The following RIPOR1 variants were observed in gnomAD, a reference collection of about 807,000 sequenced individuals.
RIPOR1 encodes the protein RHO family interacting cell polarization regulator 1, also known as rho family-interacting cell polarization regulator 1.
RIPOR1 carries 58 observed loss-of-function variants against 116.5 expected under a neutral mutation model. That is an observed-to-expected ratio of 0.50 (90% confidence interval 0.40 to 0.62). RIPOR1 has a LOEUF of 0.62. Among genes scored for constraint, RIPOR1 ranks in the 20% least tolerant of loss-of-function variants. RIPOR1 has a pLI of 0.00. For synonymous variants in RIPOR1, 605 were observed against 650.0 expected (o/e 0.93, Z 1.05); for missense variants, 1,372 against 1,586.2 (o/e 0.86, Z 2.29).
In RIPOR1 at chr16:67,541,383, C is replaced by T; in HGVS notation, c.802-47C>T. On this transcript the variant is annotated intron_variant, in intron 10 of 21. Coordinates refer to ENST00000042381, the MANE Select transcript of RIPOR1 (RefSeq NM_024519.4). This position sits in a 1 kb window ranked among gnomAD's most constrained non-coding sequence, Gnocchi z 4.6. Reference sequence around the variant, plus strand: ...TCAGACCTCAGATTTCCCATGATCTCATAGCCCCTGCACCCTTGTGACCCT... The same window carrying T: ...TCAGACCTCAGATTTCCCATGATCTTATAGCCCCTGCACCCTTGTGACCCT... The T allele has an allele frequency of 6.3e-7, 1 of 1,581,130 alleles. No homozygotes were observed. The highest frequency in any genetic ancestry group is 1.8e-5 in the Admixed American group (1 of 55,558).
upstream of RIPOR1, among the ~76,000 whole-genome samples, chr16:67,525,318 AG>A (rs2050530338): frequency 6.6e-6 from 1 of 152,184 alleles, no homozygotes; most frequent in African/African-American, 2.4e-5. Flanking sequence ...GGAAGGAACT[AG>A]GGAGATCTCA....
chr16:67,541,724 T>G lies in RIPOR1; in HGVS notation c.1022T>G (p.Phe341Cys). Residue 341 changes from phenylalanine to cysteine, a missense_variant, in exon 12 of 22, where the codon TTC (phenylalanine) becomes TGC (cysteine). By Grantham distance (205) the Phe-to-Cys change is radical (BLOSUM62 -2). This residue lies in a region of RIPOR1 where 1,005 missense variants were observed against 1,144.7 expected (regional missense o/e 0.88). Coordinates refer to ENST00000042381, the MANE Select transcript of RIPOR1 (RefSeq NM_024519.4). This position sits in a 1 kb window ranked among gnomAD's most constrained non-coding sequence, Gnocchi z 4.6. ...AAGGCCTCCACAGTCACCAAGCGCT[T>G]CTCCACCTATAGCCAGAGCCCACCG... is the stretch of plus-strand genomic sequence containing the variant. ...VNKASTVTKR[F>C]STYSQSPPDT... 6.2e-7 allele frequency: 1 copy of G among 1,613,826 alleles called. No homozygotes were observed. The highest frequency in any genetic ancestry group is 8.5e-7 in the Non-Finnish European group (1 of 1,179,924).
intron 1 of RIPOR1, 71 bp downstream of exon 1, chr16:67,528,985 C>A (rs989735777): frequency 2.9e-5 from 5 of 170,490 alleles, no homozygotes; most frequent in Admixed American, 6.5e-5. Flanking sequence ...TGGTGCCCCC[C>A]CGCCGGCGCC....
chr16:67,518,516 C>T (rs896099590), exon 1 of RIPOR1: 6 of 152,290 alleles, frequency 3.9e-5, no homozygotes, highest in Non-Finnish European at 7.3e-5. Context: ...GGACAGGAGC[C>T]CACCAAGTCC....
At chr16:67,524,686 C>G (rs969311136), upstream of RIPOR1, among the ~76,000 whole-genome samples, 1 of 152,212 alleles carries the variant, frequency 6.6e-6, no homozygotes. Flanking sequence ...AGGCCCAAAG[C>G]CCCTGCCTCA....
chr16:67,521,969 T>C (rs563061583), intron 1 of RIPOR1, among the ~76,000 whole-genome samples: 1 of 152,364 alleles, frequency 6.6e-6, no homozygotes, highest in East Asian at 1.9e-4. Flanking sequence ...AGGTCTCACC[T>C]GAGGAGATTC....
At position 67,530,352 on chromosome 16, in the gene RIPOR1, G is replaced by A. The variant is rs1312535284; in HGVS notation, c.-24+1438G>A. On this transcript the variant is annotated intron_variant, in intron 1 of 21. Transcript: ENST00000042381. The surrounding 1 kb of genome is among the most constrained non-coding windows in gnomAD (Gnocchi z 4.5). ...CACCCGACAGCCTCCGCCCGGTTCC[G>A]GGGTGGGGGGTCCGGGGCTGTGCCG... 1.3e-5 allele frequency among the ~76,000 whole-genome samples: 2 copies of A among 152,228 alleles called. No homozygotes were observed. The highest frequency in any genetic ancestry group is 4.8e-5 in the African/African-American group (2 of 41,460).
chr16:67,538,039 A>C, intron 1 of RIPOR1: 2 of 201,448 alleles, frequency 9.9e-6, no homozygotes, highest in Non-Finnish European at 2.0e-5. Flanking sequence ...GGGGGGGGAA[A>C]TCGGGGGCAG....
rs140035714 is a variant in RIPOR1, at chr16:67,545,082, G to A, written c.2996G>A (p.Arg999His). 1,063 of 1,613,006 alleles carry A rather than the reference G, an allele frequency of 6.6e-4. No individual in the cohort carries two copies. Among genetic ancestry groups the A allele is most frequent in the Non-Finnish European group, 8.3e-4 (976 of 1,180,020 alleles). The change falls in exon 17 of 22, where the codon CGC becomes CAC. Residue 999 changes from arginine to histidine, a missense_variant. Physicochemically the swap from Arg to His is conservative, Grantham distance 29 (BLOSUM62 0). This residue lies in a region of RIPOR1 where 1,005 missense variants were observed against 1,144.7 expected (regional missense o/e 0.88). Transcript: ENST00000042381. This position sits in a 1 kb window ranked among gnomAD's most constrained non-coding sequence, Gnocchi z 4.8. ...LLTFCNQYGA[R>H]LSLRQPGLAE... Reference sequence around the variant, plus strand: ...ACCTTCTGCAACCAGTATGGTGCCCGCCTCTCCCTGCGCCAGCCAGGCTTG... The same window carrying A: ...ACCTTCTGCAACCAGTATGGTGCCCACCTCTCCCTGCGCCAGCCAGGCTTG...
In RIPOR1 at chr16:67,543,225, C is replaced by T; in HGVS notation, c.2439C>T (p.Gly813=). The T allele has an allele frequency of 6.3e-7, 1 of 1,578,068 alleles. No individual in the cohort carries two copies. The highest frequency in any genetic ancestry group is 8.6e-7 in the Non-Finnish European group (1 of 1,160,150). ...GTGGCCAGTTTCCTGAGCTGCAGGGCCTGGAGCAGGAGGTGACCCGCCTAG... is the reference window on the plus strand; with the variant it reads ...GTGGCCAGTTTCCTGAGCTGCAGGGTCTGGAGCAGGAGGTGACCCGCCTAG... The part of the protein sequence containing the change: ...DYRGQFPELQ[G]LEQEVTRLES... The change falls in exon 13 of 22, where the codon GGC becomes GGT. Residue 813 remains glycine (G), a synonymous_variant. Coordinates refer to ENST00000042381, the MANE Select transcript of RIPOR1 (RefSeq NM_024519.4). The surrounding 1 kb of genome is among the most constrained non-coding windows in gnomAD (Gnocchi z 4.7).
Position 67,537,557 on chromosome 16 carries a change from C to T in RIPOR1, c.-23-867C>T. ...AGGTCCGCGGGGGGCGAGCGCGGGT[C>T]GGGGGCCGTCCCGGACCCACCATGA... is the stretch of plus-strand genomic sequence containing the variant. On this transcript the variant is annotated intron_variant, in intron 1 of 21. Coordinates refer to ENST00000042381, the MANE Select transcript of RIPOR1 (RefSeq NM_024519.4). This position sits in a 1 kb window ranked among gnomAD's most constrained non-coding sequence, Gnocchi z 4.6. The T allele has an allele frequency of 1.5e-6, 2 of 1,372,234 alleles. No individual in the cohort carries two copies. The highest frequency in any genetic ancestry group is 1.6e-5 in the South Asian group (1 of 61,106). The allele number at this position is 1,372,234 out of a possible 1,614,324, so 85.0% of individuals were successfully genotyped here.
rs763730265 is a variant in RIPOR1 at position 67,542,039 on chromosome 16, G to A, written c.1253G>A (p.Arg418Lys). ...CTTCCCATCCAAGTTGCCTTCCGCAGGCCTGAGACCCCCAGCTCTGGGCCC... is the reference window on the plus strand; with the variant it reads ...CTTCCCATCCAAGTTGCCTTCCGCAAGCCTGAGACCCCCAGCTCTGGGCCC... Reference protein sequence around the residue: ...EPLPIQVAFRRPETPSSGPLD... With the variant: ...EPLPIQVAFRKPETPSSGPLD... The change falls in exon 13 of 22, where the codon AGG (arginine) becomes AAG (lysine). Residue 418 changes from arginine (R) to lysine (K), a missense_variant. Physicochemically the swap from Arg to Lys is conservative, Grantham distance 26 (BLOSUM62 2). Around this residue, in one of 3 missense-constraint regions of RIPOR1, gnomAD observed 1,005 missense variants for 1,144.7 expected, o/e 0.88. Coordinates refer to ENST00000042381, the MANE Select transcript of RIPOR1 (RefSeq NM_024519.4). This position sits in a 1 kb window ranked among gnomAD's most constrained non-coding sequence, Gnocchi z 4.6. 1 of 1,607,714 alleles carries A rather than the reference G, an allele frequency of 6.2e-7. No homozygotes were observed. The highest frequency in any genetic ancestry group is 1.7e-5 in the Admixed American group (1 of 59,768).
rs765084390 is a variant in RIPOR1 at position 67,544,055 on chromosome 16, A to G, written c.2601-244A>G. On this transcript the variant is annotated intron_variant, in intron 14 of 21. Transcript: ENST00000042381. The surrounding 1 kb of genome is among the most constrained non-coding windows in gnomAD (Gnocchi z 5.1). Reference sequence around the variant, plus strand: ...TCCCGCCTGCAGCCTACTCCTACCCATGCCATCCCCAGTGGTCCCAGCTGG... The same window carrying G: ...TCCCGCCTGCAGCCTACTCCTACCCGTGCCATCCCCAGTGGTCCCAGCTGG... 2.4e-4 allele frequency among the ~76,000 whole-genome samples: 37 copies of G among 151,726 alleles called. No homozygotes were observed. The highest frequency in any genetic ancestry group is 4.1e-4 in the Non-Finnish European group (28 of 67,924).
At chr16:67,527,081 A>G (rs2050546358), upstream of RIPOR1, among the ~76,000 whole-genome samples, 3 of 152,194 alleles carry the variant, frequency 2.0e-5, no homozygotes, top group Non-Finnish European at 4.4e-5. Context: ...GGGTGAATAA[A>G]GAGAAGAACT....
Position 67,544,478 on chromosome 16 carries a change from C to G in RIPOR1, c.2733+47C>G, listed in dbSNP as rs1433208357. On this transcript the variant is annotated intron_variant, in intron 15 of 21. Coordinates refer to ENST00000042381, the MANE Select transcript of RIPOR1 (RefSeq NM_024519.4). The surrounding 1 kb of genome is among the most constrained non-coding windows in gnomAD (Gnocchi z 5.1). ...CACCCTTCCTTTGTAACCCCTAACCCCAGGGAGTCCTGCCCTTCCATCCTG... is the reference window on the plus strand; with the variant it reads ...CACCCTTCCTTTGTAACCCCTAACCGCAGGGAGTCCTGCCCTTCCATCCTG... 6.3e-7 allele frequency: 1 copy of G among 1,575,264 alleles called. No individual in the cohort carries two copies. The highest frequency in any genetic ancestry group is 8.6e-7 in the Non-Finnish European group (1 of 1,160,766).
At chr16:67,522,661 C>A (rs1320097527) in intron 1 of RIPOR1, among the ~76,000 whole-genome samples, 1 of 152,058 alleles carries the variant, frequency 6.6e-6, no homozygotes. Flanking sequence ...TATTGAGTGC[C>A]TTTCCATGTT....
At position 67,537,685 on chromosome 16, in the gene RIPOR1, C is replaced by G; in HGVS notation, c.-23-739C>G. The G allele has an allele frequency of 1.1e-6, 1 of 933,524 alleles. No homozygotes were observed. Among genetic ancestry groups the G allele is most frequent in the Non-Finnish European group, 1.4e-6 (1 of 700,024 alleles). 57.8% of individuals were successfully genotyped at this position (933,524 alleles called of 1,614,324 possible). ...TGGGGGCCAGGAGTGTGTGTTTCGC[C>G]GAAGCGGGGTGGGGGTCTGCCGAGG... On this transcript the variant is annotated intron_variant, in intron 1 of 21. Transcript: ENST00000042381. This position sits in a 1 kb window ranked among gnomAD's most constrained non-coding sequence, Gnocchi z 4.6.
chr16:67,543,330 T>A lies in RIPOR1; in HGVS notation c.2479-18T>A. 1.9e-6 allele frequency: 3 copies of A among 1,608,304 alleles called. No individual in the cohort carries two copies. Among genetic ancestry groups the A allele is most frequent in the African/African-American group, 2.7e-5 (2 of 75,000 alleles). On this transcript the variant is annotated intron_variant, in intron 13 of 21. Transcript: ENST00000042381. The surrounding 1 kb of genome is among the most constrained non-coding windows in gnomAD (Gnocchi z 4.7). ...AGCCAGGGGGCGGCAGCCGCTCTGA[T>A]GCCCTTCACAACCTCAGCAGAGACA...
chr16:67,542,529 C>T lies in RIPOR1; in HGVS notation c.1743C>T (p.Thr581=), dbSNP rs150066458. 216 of 1,613,926 alleles carry T rather than the reference C, an allele frequency of 1.3e-4. 1 individual carries two copies. Among genetic ancestry groups the T allele is most frequent in the South Asian group, 4.7e-4 (43 of 91,078 alleles). ...CCACCCACAAGCCCATAATCTCTAC[C>T]CTTACTACTACAGGCCCTACCCTCA... The part of the protein sequence containing the change: ...TGSTHKPIIS[T]LTTTGPTLNI... Residue 581 remains threonine, a synonymous_variant, in exon 13 of 22, where the codon ACC becomes ACT. Transcript: ENST00000042381. The surrounding 1 kb of genome is among the most constrained non-coding windows in gnomAD (Gnocchi z 4.6).
Sources: gnomAD v4.1 joint callset for allele counts (sites outside exome capture counted in the v4.1 genomes callset) on GRCh38, gnomAD v4.1.1 for gene constraint, gnomAD v4.1.1 regional missense constraint, Gnocchi (gnomAD v3.1) non-coding constraint, MANE v1.5 for transcripts, NCBI Gene and HGNC (gene_info 2026-07-23, HGNC 2026-07-21) for gene names.